The following IL23R variants were observed in gnomAD, a reference collection of about 807,000 sequenced individuals.
IL23R encodes interleukin 23 receptor.
Under a neutral mutation model 56.9 loss-of-function variants are expected in IL23R, and 34 were observed. The ratio of observed to expected loss-of-function variants is 0.60; its 90% CI spans 0.45 to 0.80. IL23R has a LOEUF of 0.80. Ranked by LOEUF, IL23R falls within the 30% of genes least tolerant of loss-of-function variation. The pLI, the probability that IL23R is intolerant of heterozygous loss-of-function variation, is 0.00. For missense variants in IL23R, 635 were observed against 730.0 expected, an observed-to-expected ratio of 0.87 and a Z score of 1.50; for synonymous variants, 230 against 249.2, an observed-to-expected ratio of 0.92 and a Z score of 0.73.
downstream of IL23R, among the ~76,000 whole-genome samples, chr1:67,264,450 G>A (rs1453517897): frequency 6.6e-6 from 1 of 152,120 alleles, no homozygotes; most frequent in Non-Finnish European, 1.5e-5. Flanking sequence ...TTACCCATTT[G>A]GCAGACACTA....
At position 67,214,673 on chromosome 1, in the gene IL23R, C is replaced by G. The variant is rs552394991; in HGVS notation, c.799-4901C>G. ...TCCTTTCTATTTTCTAAACATTTTT[C>G]TAGTCTATTACATACTCCTATTTAC... On this transcript the variant is annotated intron_variant, in intron 6 of 10. Coordinates refer to ENST00000347310, the MANE Select transcript of IL23R (RefSeq NM_144701.3). Among the ~76,000 whole-genome samples, 13 of 152,262 alleles carry G rather than the reference C, an allele frequency of 8.5e-5. No homozygotes were observed. The East Asian group carries it at 2.5e-3, about 29-fold the overall frequency.
At chr1:67,250,593 A>G (rs934164475) in intron 9 of IL23R, among the ~76,000 whole-genome samples, 2 of 152,218 alleles carry the variant, frequency 1.3e-5, no homozygotes, top group African/African-American at 4.8e-5. Context: ...TATTTTACCA[A>G]TAATCGTTAA....
intron 6 of IL23R, among the ~76,000 whole-genome samples, chr1:67,212,087 T>C (rs1649516953): frequency 3.5e-5 from 2 of 57,618 alleles, no homozygotes; most frequent in African/African-American, 2.3e-4. Context: ...AAAAGACAGG[T>C]TTCAATCCAA....
intron 7 of IL23R, among the ~76,000 whole-genome samples, chr1:67,225,792 G>A (rs1021534379): frequency 2.6e-5 from 4 of 151,452 alleles, no homozygotes; most frequent in South Asian, 2.1e-4. Context: ...TTACAAGCAC[G>A]AGCCACTGTG....
Position 67,259,130 on chromosome 1 carries a change from G to A in IL23R, c.*2G>A. The A allele has an allele frequency of 6.2e-7, 1 of 1,613,676 alleles. No homozygotes were observed. The highest frequency in any genetic ancestry group is 8.5e-7 in the Non-Finnish European group (1 of 1,179,810). ...AGGATTTCACTCTTGGAAAAGTAGA[G>A]CTGTGTGGTCAAAATCAATATGAGA... On this transcript the variant is annotated 3_prime_UTR_variant, in exon 11 of 11. Transcript: ENST00000347310.
At chr1:67,220,699 C>T (rs988722621) in intron 7 of IL23R, among the ~76,000 whole-genome samples, 5 of 152,096 alleles carry the variant, frequency 3.3e-5, no homozygotes, top group African/African-American at 1.2e-4. Context: ...GAGACCCCAT[C>T]TCTACCAAAA....
chr1:67,202,892 A>C (rs1470603303), intron 5 of IL23R, among the ~76,000 whole-genome samples: 1 of 152,174 alleles, frequency 6.6e-6, no homozygotes, highest in Non-Finnish European at 1.5e-5. Flanking sequence ...TAGATTTGAA[A>C]ACACACTCTG....
chr1:67,151,274 T>G (rs1265360610), intron 1 of IL23R, among the ~76,000 whole-genome samples: 1 of 152,266 alleles, frequency 6.6e-6, no homozygotes, highest in African/African-American at 2.4e-5. Flanking sequence ...TCTGTTCATA[T>G]GCTTTGACCA....
At chr1:67,181,703 G>A (rs1308304066) in intron 3 of IL23R, among the ~76,000 whole-genome samples, 3 of 152,144 alleles carry the variant, frequency 2.0e-5, no homozygotes, top group African/African-American at 7.2e-5. Flanking sequence ...GAGGAGGAGA[G>A]GCGCTCTGAT....
At chr1:67,149,365 G>A (rs978654737) in intron 1 of IL23R, among the ~76,000 whole-genome samples, 4 of 152,136 alleles carry the variant, frequency 2.6e-5, no homozygotes, top group Admixed American at 6.5e-5. Context: ...GTGACACCTA[G>A]GGGCTTTTTA....
chr1:67,256,965 C>T (rs929558017), intron 10 of IL23R, among the ~76,000 whole-genome samples: 1 of 152,178 alleles, frequency 6.6e-6, no homozygotes, highest in African/African-American at 2.4e-5. Flanking sequence ...CTGATCCACT[C>T]ACCATTCCAG....
chr1:67,202,610 A>T (rs1311711702), intron 5 of IL23R, among the ~76,000 whole-genome samples: 2 of 152,218 alleles, frequency 1.3e-5, no homozygotes, highest in Non-Finnish European at 2.9e-5. Context: ...TATATATTAG[A>T]AAACTGAGGT....
chr1:67,206,955 C>T lies in IL23R; in HGVS notation c.698C>T (p.Ala233Val), dbSNP rs1649113148. The stretch of plus-strand genomic sequence containing the variant: ...ATTTCCAGGGCTGAGACTATAAATG[C>T]TACAGTGCCCAAGACCATAATTTAT... ...AVISRAETINATVPKTIIYWD... is the reference protein window; with the variant it reads ...AVISRAETINVTVPKTIIYWD... Residue 233 changes from alanine (A) to valine (V), a missense_variant, in exon 6 of 11, where the codon GCT becomes GTT. Ala to Val is a moderately conservative substitution (Grantham distance 64). Coordinates refer to ENST00000347310, the MANE Select transcript of IL23R (RefSeq NM_144701.3). 3.2e-6 allele frequency: 5 copies of T among 1,564,154 alleles called. No individual in the cohort carries two copies. Among genetic ancestry groups the T allele is most frequent in the Non-Finnish European group, 4.3e-6 (5 of 1,154,112 alleles).
intron 3 of IL23R, among the ~76,000 whole-genome samples, chr1:67,175,245 G>C (rs1360129275): frequency 6.6e-6 from 1 of 152,134 alleles, no homozygotes; most frequent in African/African-American, 2.4e-5. Flanking sequence ...GGCAGGAATG[G>C]GGGTGGGATG....
chr1:67,152,974 C>T (rs1646741686), intron 1 of IL23R, among the ~76,000 whole-genome samples: 1 of 152,138 alleles, frequency 6.6e-6, no homozygotes, highest in Non-Finnish European at 1.5e-5. Context: ...AAATAAGTTG[C>T]AGAGGAGTTC....
chr1:67,206,610 C>A (rs1649082942), intron 5 of IL23R, among the ~76,000 whole-genome samples: 1 of 150,714 alleles, frequency 6.6e-6, no homozygotes, highest in Non-Finnish European at 1.5e-5. Flanking sequence ...AGGCTAGGCT[C>A]TGGAATTTTA....
chr1:67,139,740 G>C (rs1159002476), intron 1 of IL23R, among the ~76,000 whole-genome samples: 1 of 152,114 alleles, frequency 6.6e-6, no homozygotes, highest in Non-Finnish European at 1.5e-5. Flanking sequence ...ATAAAGTCTT[G>C]CTATGTTGCC....
At chr1:67,219,541 C>T (rs1470785446) in intron 6 of IL23R, 33 bp from the exon 7 acceptor site, 12 of 1,601,122 alleles carry the variant, frequency 7.5e-6, no homozygotes, top group Admixed American at 1.7e-5. Context: ...TAAAAGCACA[C>T]CACATTTTAT....
intron 1 of IL23R, among the ~76,000 whole-genome samples, chr1:67,146,877 C>A (rs1646684313): frequency 6.6e-6 from 1 of 152,144 alleles, no homozygotes; most frequent in Admixed American, 6.5e-5. Context: ...ATTGCTCTTC[C>A]CCCTTTCCAA....
Sources: allele counts gnomAD v4.1 joint callset (sites outside exome capture counted in the v4.1 genomes callset), GRCh38; gene constraint gnomAD v4.1.1; transcripts MANE v1.5; gene names NCBI Gene and HGNC (gene_info 2026-07-23, HGNC 2026-07-21).